NAALADL1: variants seen among roughly 807,000 people sequenced by gnomAD.
The protein encoded by NAALADL1 is aminopeptidase NAALADL1.
In NAALADL1, 77 loss-of-function variants were observed where a neutral mutation model predicts 82.8. That is an observed-to-expected ratio of 0.93 (90% CI 0.77 to 1.12). The LOEUF (loss-of-function observed/expected upper bound fraction) is 1.12. Among genes scored for constraint, NAALADL1 ranks in the 50% most tolerant of loss-of-function variants. The pLI is 0.00. For missense variants in NAALADL1, 956 were observed against 964.0 expected, an observed-to-expected ratio of 0.99 and a Z score of 0.11; for synonymous variants, 358 against 399.2, an observed-to-expected ratio of 0.90 and a Z score of 1.23.
At position 65,053,154 on chromosome 11, in the gene NAALADL1, G is replaced by A; in HGVS notation, c.1198+64C>T. On this transcript the variant is annotated intron_variant, in intron 8 of 17. Transcript: ENST00000358658. The surrounding 1 kb of genome is among the most constrained non-coding windows in gnomAD (Gnocchi z 4.3). ...GAGCACTGCAGTGTGAGGGAGAGGA[G>A]GTGGAACAGGAAGGGGACCTCCGGG... is the stretch of plus-strand genomic sequence containing the variant. The A allele has an allele frequency of 6.8e-7, 1 of 1,479,774 alleles. No individual in the cohort carries two copies. 91.7% of individuals were successfully genotyped at this position (1,479,774 alleles called of 1,614,324 possible). A position where few individuals can be genotyped will look rare whatever the true frequency, so the allele number is the denominator to read the frequency against.
At position 65,048,321 on chromosome 11, in the gene NAALADL1, A is replaced by G. The variant is rs1946796026; in HGVS notation, c.1263T>C (p.Ile421=). ...ASWGAEEFGL[I]GSTEFTEEFF... ...TCACTTCTGTGAATTCCGTGGAGCC[A>G]ATGAGCCCAAACTCCTCAGCCCCCC... The change falls in exon 9 of 18, where the codon ATT becomes ATC. Residue 421 remains isoleucine (I), a synonymous_variant. Coordinates refer to ENST00000358658, the MANE Select transcript of NAALADL1 (RefSeq NM_005468.3). 1.9e-6 allele frequency: 3 copies of G among 1,614,144 alleles called. No individual in the cohort carries two copies. Among genetic ancestry groups the G allele is most frequent in the South Asian group, 2.2e-5 (2 of 91,082 alleles).
chr11:65,047,910 C>CCCCGG, intron 11 of NAALADL1, 71 bp downstream of exon 11: 3 of 1,358,308 alleles, frequency 2.2e-6, no homozygotes, highest in Non-Finnish European at 3.0e-6. Flanking sequence ...CCCGCCCACC[C>CCCCGG]GTAGCGGCCC....
At position 65,057,910 on chromosome 11, in the gene NAALADL1, G is replaced by GT. The variant is rs1261790714; in HGVS notation, c.444dup (p.Pro149ThrfsTer27). On this transcript the variant is annotated frameshift_variant, in exon 3 of 18. Transcript: ENST00000358658. LOFTEE classifies it high-confidence loss of function. ...CCAGAAGGAGCATAGGCAGCATAGG[G>GT]TTGTACCACATCTGGCCCCCCTTGC... The GT allele has an allele frequency of 6.2e-7, 1 of 1,613,950 alleles. No individual in the cohort carries two copies. Among genetic ancestry groups the GT allele is most frequent in the African/African-American group, 1.3e-5 (1 of 74,896 alleles).
upstream of NAALADL1, among the ~76,000 whole-genome samples, chr11:65,060,769 G>A (rs563220007): frequency 3.3e-5 from 5 of 152,242 alleles, no homozygotes; most frequent in East Asian, 9.6e-4. Context: ...TTGCTGTGTG[G>A]GTGGTATGGC....
rs369756414 is a variant in NAALADL1 at position 65,057,498 on chromosome 11, T to C, written c.481-5A>G. 4.2e-5 allele frequency: 67 copies of C among 1,611,614 alleles called. No individual in the cohort carries two copies. In the East Asian group the frequency reaches 4.7e-4, roughly 11 times the overall value. On this transcript the variant is annotated splice_region_variant and splice_polypyrimidine_tract_variant and intron_variant, in intron 3 of 17. Transcript: ENST00000358658. The stretch of plus-strand genomic sequence containing the variant: ...GTTGGCATAGACGAGGAGGCCCTAG[T>C]CCCAAGAGGGGGTGATCCTTAGAGC...
chr11:65,047,477 G>A lies in NAALADL1; in HGVS notation c.1597C>T (p.Arg533Trp), dbSNP rs868731059. 2.6e-6 allele frequency: 4 copies of A among 1,560,742 alleles called. No homozygotes were observed. Among genetic ancestry groups the A allele is most frequent in the Non-Finnish European group, 3.5e-6 (4 of 1,152,170 alleles). Residue 533 changes from arginine (R) to tryptophan (W), a missense_variant and splice_region_variant, in exon 13 of 18, where the codon CGG becomes TGG. Transcript: ENST00000358658. The part of the protein sequence containing the change: ...SSMDIAYTYD[R>W]SKTSARIYPT... ...GGGACGGAGGGGCGCCTGCTCACCCGGTCATAGGTATAGGCAATGTCCATG... is the reference window on the plus strand; with the variant it reads ...GGGACGGAGGGGCGCCTGCTCACCCAGTCATAGGTATAGGCAATGTCCATG...
chr11:65,054,579 C>G lies in NAALADL1; in HGVS notation c.763G>C (p.Asp255His), dbSNP rs773509963. The change falls in exon 5 of 18, where the codon GAC (aspartate) becomes CAC (histidine). Residue 255 changes from aspartate to histidine, a missense_variant. Coordinates refer to ENST00000358658, the MANE Select transcript of NAALADL1 (RefSeq NM_005468.3). The surrounding 1 kb of genome is among the most constrained non-coding windows in gnomAD (Gnocchi z 4.3). ...GCTGGAAGGTAGGGAGTCAGAGGGT[C>G]CCCAAAATACTCGTAGTAGGAGCCT... ...ERGSYYEYFG[D>H]PLTPYLPAVP... The G allele has an allele frequency of 3.1e-6, 5 of 1,613,620 alleles. No homozygotes were observed. Among genetic ancestry groups the G allele is most frequent in the Non-Finnish European group, 4.2e-6 (5 of 1,179,780 alleles).
Position 65,047,680 on chromosome 11 carries a change from T to C in NAALADL1, c.1475A>G (p.Asn492Ser), listed in dbSNP as rs753844078. 1 of 1,608,020 alleles carries C rather than the reference T, an allele frequency of 6.2e-7. No homozygotes were observed. Among genetic ancestry groups the C allele is most frequent in the Non-Finnish European group, 8.5e-7 (1 of 1,178,048 alleles). ...SIYDNWIRYF[N>S]RSSPVYGLVP... ...CAGGCCGTACACCGGGCTGCTGCGGTTGAAGTACCGGATCCAGTTGTCGTA... is the reference window on the plus strand; with the variant it reads ...CAGGCCGTACACCGGGCTGCTGCGGCTGAAGTACCGGATCCAGTTGTCGTA... The change falls in exon 12 of 18, where the codon AAC (asparagine) becomes AGC (serine). Residue 492 changes from asparagine (N) to serine (S), a missense_variant. Transcript: ENST00000358658.
chr11:65,045,491 T>C, intron 17 of NAALADL1, 34 bp from the exon 18 acceptor site: 3 of 1,563,400 alleles, frequency 1.9e-6, no homozygotes, highest in Non-Finnish European at 2.6e-6. Context: ...TCAGGGTCAG[T>C]CAGTCAGGGG....
intron 13 of NAALADL1, among the ~76,000 whole-genome samples, chr11:65,047,063 G>T (rs916784349): frequency 6.6e-6 from 1 of 151,282 alleles, no homozygotes; most frequent in Non-Finnish European, 1.5e-5. Flanking sequence ...GGAAGCGGTG[G>T]TTTTTTTTCC....
intron 8 of NAALADL1, among the ~76,000 whole-genome samples, chr11:65,049,731 C>T (rs1946835058): frequency 6.6e-6 from 1 of 152,106 alleles, no homozygotes; most frequent in African/African-American, 2.4e-5. Context: ...AGTATCAGGG[C>T]TTGGTGGCGC....
chr11:65,045,322 C>A lies in NAALADL1; in HGVS notation c.2172G>T (p.Val724=). Residue 724 remains valine (V), a synonymous_variant, in exon 18 of 18, where the codon GTG becomes GTT. Transcript: ENST00000358658. ...AEVQRQLSIV[V]TALEGAAATL... The stretch of plus-strand genomic sequence containing the variant: ...TGGCTGCCGCACCCTCCAGGGCTGT[C>A]ACCACAATGCTGAGCTGTCTCTGGA... The A allele has an allele frequency of 6.2e-7, 1 of 1,610,922 alleles. No individual in the cohort carries two copies. Among genetic ancestry groups the A allele is most frequent in the South Asian group, 1.1e-5 (1 of 90,396 alleles).
At chr11:65,048,504 G>C in intron 8 of NAALADL1, 119 bp from the exon 9 acceptor site, 1 of 1,122,218 alleles carries the variant, frequency 8.9e-7, no homozygotes, top group Non-Finnish European at 1.3e-6. Flanking sequence ...CTGGTGACAG[G>C]ATGTCCTGGC....
In NAALADL1 at chr11:65,057,924, G is replaced by A. The variant is rs370690240; in HGVS notation, c.431C>T (p.Pro144Leu). Reference sequence around the variant, plus strand: ...GGCAGCATAGGGTTGTACCACATCTGGCCCCCCTTGCTCCCCGGTCACGTT... The same window carrying A: ...GGCAGCATAGGGTTGTACCACATCTAGCCCCCCTTGCTCCCCGGTCACGTT... ...EENVTGEQGG[P>L]DVVQPYAAYA... is the part of the protein sequence containing the mutation. Residue 144 changes from proline (P) to leucine (L), a missense_variant, in exon 3 of 18, where the codon CCA (proline) becomes CTA (leucine). Coordinates refer to ENST00000358658, the MANE Select transcript of NAALADL1 (RefSeq NM_005468.3). The A allele has an allele frequency of 1.4e-5, 23 of 1,613,986 alleles. No homozygotes were observed. The African/African-American group carries it at 3.1e-4, about 22-fold the overall frequency.
Position 65,054,102 on chromosome 11 carries a change from T to A in NAALADL1, c.992+148A>T. The A allele has an allele frequency of 1.5e-6, 1 of 672,110 alleles. No individual in the cohort carries two copies. The highest frequency in any genetic ancestry group is 3.1e-5 in the Admixed American group (1 of 32,494). 41.6% of individuals were successfully genotyped at this position (672,110 alleles called of 1,614,324 possible). A position where few individuals can be genotyped will look rare whatever the true frequency, so the allele number is the denominator to read the frequency against. On this transcript the variant is annotated intron_variant, in intron 6 of 17. Transcript: ENST00000358658. This position sits in a 1 kb window ranked among gnomAD's most constrained non-coding sequence, Gnocchi z 4.3. ...GGGCTTCCCCAAAAACAAGACATAT[T>A]TTGGGGTCAGGAGAGGGTCTGGGAG...
chr11:65,046,272 T>A lies in NAALADL1; in HGVS notation c.1772A>T (p.Asp591Val), dbSNP rs765968836. The A allele has an allele frequency of 6.2e-7, 1 of 1,614,140 alleles. No individual in the cohort carries two copies. Among genetic ancestry groups the A allele is most frequent in the South Asian group, 1.1e-5 (1 of 91,078 alleles). Residue 591 changes from aspartate (D) to valine (V), a missense_variant, in exon 15 of 18, where the codon GAC (aspartate) becomes GTC (valine). Physicochemically the swap from Asp to Val is radical, Grantham distance 152. Transcript: ENST00000358658. Reference protein sequence around the residue: ...DSFFLPLKVSDYSETLRSFLQ... With the variant: ...DSFFLPLKVSVYSETLRSFLQ... ...GAAGCTGCGGAGTGTCTCACTGTAG[T>A]CACTGACTTTGAGGGGCAGGAAGAA...
At chr11:65,048,436 GT>G in intron 8 of NAALADL1, 51 bp from the exon 9 acceptor site, 2 of 1,604,412 alleles carry the variant, frequency 1.2e-6, no homozygotes, top group Non-Finnish European at 1.7e-6. Flanking sequence ...TGATCCTAGG[GT>G]GCCTTAGGAG....
chr11:65,048,229 G>A lies in NAALADL1; in HGVS notation c.1285-14C>T. ...GTTGAAGAACTCCTGCGGGTGCGAGGGGCGACGTCAGCCCCGCGCCGTTCT... is the reference window on the plus strand; with the variant it reads ...GTTGAAGAACTCCTGCGGGTGCGAGAGGCGACGTCAGCCCCGCGCCGTTCT... On this transcript the variant is annotated splice_polypyrimidine_tract_variant and intron_variant, in intron 9 of 17. Coordinates refer to ENST00000358658, the MANE Select transcript of NAALADL1 (RefSeq NM_005468.3). 6.2e-7 allele frequency: 1 copy of A among 1,613,852 alleles called. No homozygotes were observed.
rs541772254 is a variant in NAALADL1, at chr11:65,048,071, CTA to C, written c.1349-25_1349-24del. ...TGGCTGTGGGAGGAGGGGAGAAAGA[CTA>C]TTTGGGCCCCAGCCCCTTCTTTTAC... On this transcript the variant is annotated intron_variant, in intron 10 of 17. Coordinates refer to ENST00000358658, the MANE Select transcript of NAALADL1 (RefSeq NM_005468.3). 1,075 of 1,613,774 alleles carry C rather than the reference CTA, an allele frequency of 6.7e-4. 19 individuals are homozygous for C. The South Asian group carries it at 0.011, about 17-fold the overall frequency.
Sources: allele counts gnomAD v4.1 joint callset (sites outside exome capture counted in the v4.1 genomes callset), GRCh38; gene constraint gnomAD v4.1.1; non-coding constraint Gnocchi (gnomAD v3.1); transcripts MANE v1.5; gene names NCBI Gene and HGNC (gene_info 2026-07-23, HGNC 2026-07-21).